The following DDX52 variants were observed in gnomAD, a reference collection of about 807,000 sequenced individuals.
The protein encoded by DDX52 is probable ATP-dependent RNA helicase DDX52.
In DDX52, 59 loss-of-function variants were observed where a neutral mutation model predicts 76.1. The observed-to-expected ratio is 0.78, with a 90% CI of 0.63 to 0.96. DDX52 has a LOEUF of 0.96. DDX52 is among the 40% of genes least tolerant of loss of function. The probability of loss-of-function intolerance (pLI) is 0.00; values close to 1 mark genes in which losing one functional copy is unlikely to be tolerated. For synonymous variants in DDX52, 231 were observed against 244.1 expected (o/e 0.95, Z 0.50); for missense variants, 707 against 703.9 (o/e 1.00, Z -0.05).
In DDX52 at chr17:37,611,490, G is replaced by A. The variant is rs145470539; in HGVS notation, c.*2806C>T. The A allele has an allele frequency of 6.6e-6, 1 of 152,062 alleles. No homozygotes were observed. The highest frequency in any genetic ancestry group is 1.5e-5 in the Non-Finnish European group (1 of 67,992). 9.4% of individuals were successfully genotyped at this position (152,062 alleles called of 1,614,324 possible). ...AAGTGTTATGACAAGAATCAAAAAAGTTTATAAAGGCCGGATATAGTGGCT... is the reference window on the plus strand; with the variant it reads ...AAGTGTTATGACAAGAATCAAAAAAATTTATAAAGGCCGGATATAGTGGCT... On this transcript the variant is annotated 3_prime_UTR_variant, in exon 15 of 15. Transcript: ENST00000617633.
Position 37,643,409 on chromosome 17 carries a change from G to A in DDX52, c.12C>T (p.His4=), listed in dbSNP as rs963345526. MDV[H]DLFRRLGAGA... is the part of the protein sequence containing the mutation. Reference sequence around the variant, plus strand: ...CCGCGCCGAGCCGGCGAAAGAGATCGTGGACGTCCATCTTTACCCAGAAAG... The same window carrying A: ...CCGCGCCGAGCCGGCGAAAGAGATCATGGACGTCCATCTTTACCCAGAAAG... The change falls in exon 1 of 15, where the codon CAC becomes CAT. Residue 4 remains histidine (H), a synonymous_variant. Transcript: ENST00000617633. 5 of 1,613,968 alleles carry A rather than the reference G, an allele frequency of 3.1e-6. No individual in the cohort carries two copies. Among genetic ancestry groups the A allele is most frequent in the East Asian group, 2.2e-5 (1 of 44,870 alleles).
At chr17:37,629,904 T>C in intron 5 of DDX52, 126 bp downstream of exon 5, 5 of 1,307,300 alleles carry the variant, frequency 3.8e-6, no homozygotes, top group Non-Finnish European at 5.3e-6. Context: ...CTGTGCTGTG[T>C]AGAGGATACT....
Position 37,642,288 on chromosome 17 carries a change from G to T in DDX52, c.108C>A (p.Asp36Glu). ...CCTGAAGCACCTCCGAAGAATCAAA[G>T]TCATATTTCCTTTTTCCTATCTAAA... The part of the protein sequence containing the change: ...ARFQIGKRKY[D>E]FDSSEVLQGL... Residue 36 changes from aspartate (D) to glutamate (E), a missense_variant, in exon 2 of 15, where the codon GAC (aspartate) becomes GAA (glutamate). Physicochemically the swap from Asp to Glu is conservative, Grantham distance 45. Coordinates refer to ENST00000617633, the MANE Select transcript of DDX52 (RefSeq NM_007010.5). 1 of 1,613,666 alleles carries T rather than the reference G, an allele frequency of 6.2e-7. No homozygotes were observed.
At position 37,621,272 on chromosome 17, in the gene DDX52, A is replaced by C. The variant is rs139199066; in HGVS notation, c.1356T>G (p.Asp452Glu). The C allele has an allele frequency of 6.4e-5, 103 of 1,610,080 alleles. No individual in the cohort carries two copies. In the African/African-American group the frequency reaches 9.5e-4, roughly 15 times the overall value. The change falls in exon 11 of 15, where the codon GAT (aspartate) becomes GAG (glutamate). Residue 452 changes from aspartate (D) to glutamate (E), a missense_variant. By Grantham distance (45) the Asp-to-Glu change is conservative. Transcript: ENST00000617633. ...CTGCTCTGAAACTGTGGACTGTGTT[A>C]TCTCTCTGGTTAACAGAATATATAT... The part of the protein sequence containing the change: ...IHAERTQQQR[D>E]NTVHSFRAGK...
At chr17:37,638,407 CAT>C (rs2031029648) in intron 2 of DDX52, among the ~76,000 whole-genome samples, 1 of 152,176 alleles carries the variant, frequency 6.6e-6, no homozygotes. Flanking sequence ...GATTTTATAA[CAT>C]ATAAGGCCAT....
chr17:37,627,924 T>C (rs543867332), intron 6 of DDX52, among the ~76,000 whole-genome samples: 1 of 152,078 alleles, frequency 6.6e-6, no homozygotes, highest in Admixed American at 6.5e-5. Flanking sequence ...TGCACCACCA[T>C]GCCTGGCTAA....
Position 37,613,164 on chromosome 17 carries a change from C to G in DDX52, c.*1132G>C, listed in dbSNP as rs1212295848. On this transcript the variant is annotated 3_prime_UTR_variant, in exon 15 of 15. Transcript: ENST00000617633. ...GTTCTGTGGTAGTACTGATAACATTCAAGTCATTCTTAGGCACCAGTCTTA... is the reference window on the plus strand; with the variant it reads ...GTTCTGTGGTAGTACTGATAACATTGAAGTCATTCTTAGGCACCAGTCTTA... 6.6e-6 allele frequency: 1 copy of G among 152,168 alleles called. No homozygotes were observed. The highest frequency in any genetic ancestry group is 1.9e-4 in the East Asian group (1 of 5,204). 9.4% of individuals were successfully genotyped at this position (152,168 alleles called of 1,614,324 possible). A position where few individuals can be genotyped will look rare whatever the true frequency, so the allele number is the denominator to read the frequency against.
chr17:37,628,031 A>G (rs1483689301), intron 6 of DDX52, among the ~76,000 whole-genome samples: 1 of 152,022 alleles, frequency 6.6e-6, no homozygotes, highest in Non-Finnish European at 1.5e-5. Flanking sequence ...CTCCCACCTC[A>G]GCTTCTCCAT....
At chr17:37,640,576 C>T (rs1027041958) in intron 2 of DDX52, among the ~76,000 whole-genome samples, 1 of 149,644 alleles carries the variant, frequency 6.7e-6, no homozygotes, top group African/African-American at 2.5e-5. Context: ...TAGGAAGGAA[C>T]TTTACTTTTC....
In DDX52 at chr17:37,626,071, T is replaced by C. The variant is rs375109456; in HGVS notation, c.960A>G (p.Ser320=). Residue 320 remains serine (S), a synonymous_variant, in exon 8 of 15, where the codon TCA becomes TCG. Coordinates refer to ENST00000617633, the MANE Select transcript of DDX52 (RefSeq NM_007010.5). ...TTTTGCCATCTTCAAACAGTTTATCTGATTCGTCTACTACAAGCCACTCAA... is the reference window on the plus strand; with the variant it reads ...TTTTGCCATCTTCAAACAGTTTATCCGATTCGTCTACTACAAGCCACTCAA... ...ASVEWLVVDE[S]DKLFEDGKTG... is the part of the protein sequence containing the mutation. 3 of 1,614,156 alleles carry C rather than the reference T, an allele frequency of 1.9e-6. No individual in the cohort carries two copies. Among genetic ancestry groups the C allele is most frequent in the Admixed American group, 1.7e-5 (1 of 60,010 alleles).
Position 37,628,541 on chromosome 17 carries a change from C to T in DDX52, c.859+20G>A. The T allele has an allele frequency of 6.4e-7, 1 of 1,556,394 alleles. No homozygotes were observed. Among genetic ancestry groups the T allele is most frequent in the Non-Finnish European group, 8.8e-7 (1 of 1,131,074 alleles). ...GATTCCTTACATGCTCTATCTACAT[C>T]CCATGTATGAATTCCTTACCAAACT... On this transcript the variant is annotated intron_variant, in intron 6 of 14. Transcript: ENST00000617633.
At chr17:37,627,556 T>G (rs556887016) in intron 6 of DDX52, among the ~76,000 whole-genome samples, 1 of 152,210 alleles carries the variant, frequency 6.6e-6, no homozygotes, top group Non-Finnish European at 1.5e-5. Flanking sequence ...TCTTCTCAAT[T>G]TCTAAGAGGA....
chr17:37,634,105 C>G (rs926908351), intron 2 of DDX52, among the ~76,000 whole-genome samples: 2 of 151,534 alleles, frequency 1.3e-5, no homozygotes, highest in African/African-American at 2.4e-5. Flanking sequence ...CCACCATGCC[C>G]GGCTAATTTT....
intron 12 of DDX52, 76 bp downstream of exon 12, chr17:37,620,797 A>T: frequency 1.5e-6 from 2 of 1,349,192 alleles, no homozygotes; most frequent in Middle Eastern, 4.4e-4. Context: ...TTTTGTAATT[A>T]TCTCTTAATT....
chr17:37,625,695 T>G (rs369129553), intron 8 of DDX52, among the ~76,000 whole-genome samples, 200 bp downstream of exon 8: 1 of 152,270 alleles, frequency 6.6e-6, no homozygotes, highest in South Asian at 2.1e-4. Context: ...AATGTTAATA[T>G]GACAATGTAA....
intron 2 of DDX52, among the ~76,000 whole-genome samples, chr17:37,639,174 G>C (rs2031070150): frequency 6.6e-6 from 1 of 152,082 alleles, no homozygotes; most frequent in East Asian, 1.9e-4. Flanking sequence ...TAATATGGCA[G>C]ACATAGAGCT....
chr17:37,639,457 G>C (rs1186402954), intron 2 of DDX52: 2 of 996,310 alleles, frequency 2.0e-6, no homozygotes, highest in Non-Finnish European at 2.4e-6. Flanking sequence ...TACATGCCTG[G>C]CTGGGCGTGG....
chr17:37,622,559 G>T (rs1346564431), intron 9 of DDX52, among the ~76,000 whole-genome samples: 2 of 152,088 alleles, frequency 1.3e-5, no homozygotes, highest in South Asian at 2.1e-4. Context: ...CTCCCAAAGT[G>T]CTGGGATTAC....
At chr17:37,635,297 C>T (rs937270462) in intron 2 of DDX52, among the ~76,000 whole-genome samples, 2 of 152,134 alleles carry the variant, frequency 1.3e-5, no homozygotes, top group Non-Finnish European at 2.9e-5. Flanking sequence ...GACATATCTA[C>T]ACACCCAAAA....
Sources: allele counts gnomAD v4.1 joint callset (sites outside exome capture counted in the v4.1 genomes callset), GRCh38; gene constraint gnomAD v4.1.1; transcripts MANE v1.5; gene names NCBI Gene and HGNC (gene_info 2026-07-23, HGNC 2026-07-21).